The following RBPJ variants were observed in gnomAD, a reference collection of about 807,000 sequenced individuals.
RBPJ encodes recombination signal binding protein for immunoglobulin kappa J region.
A neutral mutation model predicts 67.8 loss-of-function variants in RBPJ; 9 were observed. The ratio of observed to expected loss-of-function variants is 0.13; its 90% CI spans 0.08 to 0.23. The LOEUF (loss-of-function observed/expected upper bound fraction) is 0.23. Ranked by LOEUF, RBPJ falls within the 10% of genes least tolerant of loss-of-function variation. The pLI is 1.00. For missense variants in RBPJ, 305 were observed against 595.6 expected, an observed-to-expected ratio of 0.51 and a Z score of 5.08; for synonymous variants, 198 against 203.3, an observed-to-expected ratio of 0.97 and a Z score of 0.22.
intron 1 of RBPJ, among the ~76,000 whole-genome samples, chr4:26,199,792 T>C (rs1007465715): frequency 6.6e-5 from 10 of 152,228 alleles, no homozygotes; most frequent in Admixed American, 2.6e-4. Context: ...AACTTGGAAA[T>C]GCACTAAAAA....
At chr4:26,352,284 G>A (rs1726889280) in intron 1 of RBPJ, among the ~76,000 whole-genome samples, 1 of 152,046 alleles carries the variant, frequency 6.6e-6, no homozygotes, top group Non-Finnish European at 1.5e-5. Context: ...TTCATAGATG[G>A]TGTCTTCTAG....
upstream of RBPJ, among the ~76,000 whole-genome samples, chr4:26,158,963 C>G (rs1476258397): frequency 6.6e-6 from 1 of 151,632 alleles, no homozygotes; most frequent in African/African-American, 2.4e-5. Context: ...CTCTCTCTCT[C>G]TCTCTCTCTC....
intron 1 of RBPJ, among the ~76,000 whole-genome samples, chr4:26,332,557 T>C (rs1724369088): frequency 6.6e-6 from 1 of 152,246 alleles, no homozygotes; most frequent in Non-Finnish European, 1.5e-5. Flanking sequence ...TGGAAATTTT[T>C]CTTAGAAATT....
chr4:26,325,267 G>A (rs533997240), intron 1 of RBPJ, among the ~76,000 whole-genome samples: 4 of 152,262 alleles, frequency 2.6e-5, no homozygotes, highest in South Asian at 2.1e-4. Context: ...TTACTATGAC[G>A]TACTGACAGC....
intron 1 of RBPJ, among the ~76,000 whole-genome samples, chr4:26,267,705 T>G (rs1720748485): frequency 6.6e-6 from 1 of 152,088 alleles, no homozygotes; most frequent in Admixed American, 6.6e-5. Context: ...CCTCCCAGGT[T>G]CAAGCAATTC....
At chr4:26,413,677 A>C (rs1734265781) in intron 3 of RBPJ, among the ~76,000 whole-genome samples, 1 of 152,192 alleles carries the variant, frequency 6.6e-6, no homozygotes, top group Non-Finnish European at 1.5e-5. Flanking sequence ...ATTTTCAGTC[A>C]GTTCAGTAGA....
chr4:26,396,815 TGAAGTGA>T (rs1732168220), intron 2 of RBPJ, among the ~76,000 whole-genome samples: 2 of 152,210 alleles, frequency 1.3e-5, no homozygotes, highest in Admixed American at 1.3e-4. Flanking sequence ...AAGAGAGGAT[TGAAGTGA>T]GGTTTGCAGG....
intron 1 of RBPJ, among the ~76,000 whole-genome samples, chr4:26,306,467 T>A (rs1404470746): frequency 1.3e-5 from 2 of 150,950 alleles, no homozygotes; most frequent in Non-Finnish European, 3.0e-5. Context: ...ATTATTATTA[T>A]TTGAGACAAA....
At position 26,415,607 on chromosome 4, in the gene RBPJ, C is replaced by T. The variant is rs754435291; in HGVS notation, c.288C>T (p.Asp96=). ...PCAFIGIGNS[D]QEMQQLNLEG... The stretch of plus-strand genomic sequence containing the variant: ...CATTTATTGGGATAGGAAATAGTGA[C>T]CAAGAAATGCAGCAGCTAAACTTGG... Residue 96 remains aspartate (D), a synonymous_variant, in exon 4 of 11, where the codon GAC becomes GAT. Coordinates refer to ENST00000355476, the MANE Select transcript of RBPJ (RefSeq NM_015874.6). 6.2e-7 allele frequency: 1 copy of T among 1,608,694 alleles called. No homozygotes were observed. Among genetic ancestry groups the T allele is most frequent in the South Asian group, 1.1e-5 (1 of 89,608 alleles).
At chr4:26,342,724 C>CA (rs1725675948) in intron 1 of RBPJ, among the ~76,000 whole-genome samples, 1 of 152,018 alleles carries the variant, frequency 6.6e-6, no homozygotes, top group Admixed American at 6.6e-5. Flanking sequence ...AGGGTTTGTG[C>CA]AAAAAACACA....
chr4:26,382,715 A>G (rs185802590), intron 1 of RBPJ, among the ~76,000 whole-genome samples: 8 of 152,054 alleles, frequency 5.3e-5, no homozygotes, highest in African/African-American at 1.9e-4. Context: ...TATTTTTTGT[A>G]TTTTTAGAAG....
At chr4:26,170,014 C>G (rs1256719589) in intron 1 of RBPJ, among the ~76,000 whole-genome samples, 1 of 152,104 alleles carries the variant, frequency 6.6e-6, no homozygotes, top group African/African-American at 2.4e-5. Flanking sequence ...ACTCCCTGAC[C>G]CCTTGCGCTT....
At chr4:26,117,784 A>G in the RBPJ span, among the ~76,000 whole-genome samples, 1 of 152,186 alleles carries the variant, frequency 6.6e-6, no homozygotes, top group African/African-American at 2.4e-5. Context: ...AATACACATA[A>G]AACACTCAGA....
chr4:26,114,497 A>ATATATATATATATATATG, the RBPJ span, among the ~76,000 whole-genome samples: 1 of 140,036 alleles, frequency 7.1e-6, no homozygotes, highest in African/African-American at 2.8e-5. Flanking sequence ...ATATATATAT[A>ATATATATATATATATATG]TGTATGTGTG....
intron 2 of RBPJ, among the ~76,000 whole-genome samples, chr4:26,393,364 C>T (rs553268037): frequency 1.3e-5 from 2 of 151,894 alleles, no homozygotes; most frequent in African/African-American, 4.8e-5. Flanking sequence ...ATTTTAGGTA[C>T]CATCTGGCCT....
chr4:26,371,011 C>T (rs915354128), intron 1 of RBPJ, among the ~76,000 whole-genome samples: 1 of 150,096 alleles, frequency 6.7e-6, no homozygotes, highest in East Asian at 2.0e-4. Context: ...ACCTGGGAGA[C>T]AGAGCTGGCA....
the RBPJ span, among the ~76,000 whole-genome samples, chr4:26,120,371 G>C: frequency 2.0e-5 from 3 of 152,046 alleles, no homozygotes; most frequent in Non-Finnish European, 4.4e-5. Flanking sequence ...CATCACCTTG[G>C]ACAAGCAAGT....
chr4:26,196,561 T>C (rs560272023), intron 1 of RBPJ, among the ~76,000 whole-genome samples: 6 of 152,348 alleles, frequency 3.9e-5, no homozygotes, highest in Admixed American at 3.9e-4. Flanking sequence ...CTTACTGTTA[T>C]CTACATTCGA....
intron 1 of RBPJ, among the ~76,000 whole-genome samples, chr4:26,354,681 C>T (rs1727175635): frequency 6.6e-6 from 1 of 152,000 alleles, no homozygotes; most frequent in South Asian, 2.1e-4. Context: ...AACTCCTGAC[C>T]TCAAATGATC....
Sources: gnomAD v4.1 joint callset for allele counts (sites outside exome capture counted in the v4.1 genomes callset) on GRCh38, gnomAD v4.1.1 for gene constraint, MANE v1.5 for transcripts, NCBI Gene and HGNC (gene_info 2026-07-23, HGNC 2026-07-21) for gene names.